Variants in SLC12A6 observed in about 807,000 individuals in gnomAD.
SLC12A6 encodes the protein solute carrier family 12 member 6.
Under a neutral mutation model 135.3 loss-of-function variants are expected in SLC12A6, and 66 were observed. The ratio of observed to expected loss-of-function variants is 0.49; its 90% CI spans 0.40 to 0.60. The LOEUF (loss-of-function observed/expected upper bound fraction) is 0.60, where lower values mean the gene tolerates loss of function less well. Ranked by LOEUF, SLC12A6 falls within the 20% of genes least tolerant of loss-of-function variation. The probability of loss-of-function intolerance (pLI) is 0.00; values close to 1 mark genes in which losing one functional copy is unlikely to be tolerated. For synonymous variants in SLC12A6, 513 were observed against 508.8 expected, an observed-to-expected ratio of 1.01 and a Z score of -0.11; for missense variants, 1,058 against 1,452.3, an observed-to-expected ratio of 0.73 and a Z score of 4.41.
At chr15:34,271,921 A>G (rs1893981976) in intron 3 of SLC12A6, among the ~76,000 whole-genome samples, 1 of 152,136 alleles carries the variant, frequency 6.6e-6, no homozygotes, top group Non-Finnish European at 1.5e-5. Context: ...AAATTATCCT[A>G]AACAAGGTTT....
At chr15:34,268,892 TG>T (rs1259149637) in intron 3 of SLC12A6, among the ~76,000 whole-genome samples, 2 of 151,968 alleles carry the variant, frequency 1.3e-5, no homozygotes, top group African/African-American at 4.8e-5. Flanking sequence ...AGTCTTGCTC[TG>T]TTGCCCAGTC....
At chr15:34,239,850 CT>C (rs1427718043) in intron 19 of SLC12A6, among the ~76,000 whole-genome samples, 8 of 152,102 alleles carry the variant, frequency 5.3e-5, no homozygotes, top group Non-Finnish European at 1.2e-4. Context: ...ATTTTCAATC[CT>C]GTGTACCTTT....
intron 2 of SLC12A6, among the ~76,000 whole-genome samples, chr15:34,296,001 A>C (rs1895855127): frequency 6.6e-6 from 1 of 151,964 alleles, no homozygotes; most frequent in Non-Finnish European, 1.5e-5. Context: ...ACTTCATCTC[A>C]AAAACAAACA....
At chr15:34,297,387 G>A (rs1165553526) in intron 2 of SLC12A6, among the ~76,000 whole-genome samples, 1 of 152,154 alleles carries the variant, frequency 6.6e-6, no homozygotes, top group South Asian at 2.1e-4. Context: ...AGATTACAAA[G>A]GTAGTCTCTA....
intron 3 of SLC12A6, among the ~76,000 whole-genome samples, chr15:34,273,999 T>C (rs1475404045): frequency 1.3e-5 from 2 of 152,182 alleles, no homozygotes; most frequent in Non-Finnish European, 2.9e-5. Context: ...GTTAGGAATT[T>C]ACCCTACAAA....
chr15:34,310,439 C>T (rs1888107178), intron 2 of SLC12A6, among the ~76,000 whole-genome samples: 2 of 67,892 alleles, frequency 2.9e-5, no homozygotes, highest in African/African-American at 7.3e-5. Context: ...GTGTGTGTGT[C>T]CCCGTGTCCA....
chr15:34,296,266 A>G (rs1351424416), intron 2 of SLC12A6, among the ~76,000 whole-genome samples: 1 of 152,232 alleles, frequency 6.6e-6, no homozygotes, highest in Non-Finnish European at 1.5e-5. Flanking sequence ...AGAAACTAAG[A>G]AAGAATGATG....
At chr15:34,335,126 G>T (rs535965065) in intron 2 of SLC12A6, among the ~76,000 whole-genome samples, 2 of 152,294 alleles carry the variant, frequency 1.3e-5, no homozygotes, top group East Asian at 3.9e-4. Context: ...AAGAGGAAAT[G>T]ATAAATTTGT....
intron 2 of SLC12A6, among the ~76,000 whole-genome samples, chr15:34,319,709 G>A (rs771963713): frequency 3.6e-4 from 54 of 151,904 alleles, no homozygotes; most frequent in Non-Finnish European, 6.8e-4. Context: ...TGACACAGGA[G>A]AATCCCTTGA....
chr15:34,260,120 A>G (rs1465506195), intron 4 of SLC12A6, among the ~76,000 whole-genome samples: 1 of 152,250 alleles, frequency 6.6e-6, no homozygotes, highest in African/African-American at 2.4e-5. Context: ...GAGGTGATAT[A>G]TATGCTAATT....
chr15:34,311,002 ATT>A (rs1954227548), intron 2 of SLC12A6, among the ~76,000 whole-genome samples: 1 of 152,148 alleles, frequency 6.6e-6, no homozygotes, highest in Non-Finnish European at 1.5e-5. Flanking sequence ...TCTCAATAAA[ATT>A]TAAACCTCAT....
chr15:34,266,609 T>G (rs1893541371), intron 3 of SLC12A6, among the ~76,000 whole-genome samples: 1 of 152,094 alleles, frequency 6.6e-6, no homozygotes, highest in Admixed American at 6.6e-5. Flanking sequence ...GAAGAGCTAA[T>G]TTTTGGATTT....
intron 2 of SLC12A6, among the ~76,000 whole-genome samples, chr15:34,295,668 T>G (rs1046064682): frequency 1.3e-5 from 2 of 152,160 alleles, no homozygotes; most frequent in African/African-American, 2.4e-5. Context: ...ATCAAAAAAT[T>G]TGATACATTT....
intron 2 of SLC12A6, among the ~76,000 whole-genome samples, chr15:34,296,920 TTG>T (rs1335467390): frequency 1.3e-5 from 2 of 152,236 alleles, no homozygotes; most frequent in Non-Finnish European, 2.9e-5. Flanking sequence ...ACTGTTTTAC[TTG>T]TGTTATTTGT....
At chr15:34,284,810 T>C (rs926703380) in intron 2 of SLC12A6, among the ~76,000 whole-genome samples, 12 of 152,022 alleles carry the variant, frequency 7.9e-5, no homozygotes, top group African/African-American at 2.9e-4. Flanking sequence ...GGGAGAGTGG[T>C]TTGTGTGCAC....
At chr15:34,291,136 C>T (rs914277684) in intron 2 of SLC12A6, among the ~76,000 whole-genome samples, 5 of 152,132 alleles carry the variant, frequency 3.3e-5, no homozygotes, top group Non-Finnish European at 5.9e-5. Context: ...TTCGTATCCA[C>T]GTTTAGTGCT....
chr15:34,282,245 G>T (rs1894740791), intron 2 of SLC12A6, among the ~76,000 whole-genome samples: 1 of 152,180 alleles, frequency 6.6e-6, no homozygotes, highest in Admixed American at 6.6e-5. Flanking sequence ...CTATTTAATA[G>T]ATAAGTAGAT....
chr15:34,271,796 G>A (rs560435725), intron 3 of SLC12A6, among the ~76,000 whole-genome samples: 9 of 152,130 alleles, frequency 5.9e-5, no homozygotes, highest in African/African-American at 2.2e-4. Context: ...AAAACATTTA[G>A]AAGGACTGGA....
chr15:34,310,475 A>AGTGT (rs58752500), intron 2 of SLC12A6, among the ~76,000 whole-genome samples: 792 of 41,616 alleles, frequency 0.019, 43 homozygotes, highest in Non-Finnish European at 0.023. Flanking sequence ...CCTGGGCTCA[A>AGTGT]GTGTGTGTGT....
Sources: allele counts gnomAD v4.1 joint callset (sites outside exome capture counted in the v4.1 genomes callset), GRCh38; gene constraint gnomAD v4.1.1; transcripts MANE v1.5; gene names NCBI Gene and HGNC (gene_info 2026-07-23, HGNC 2026-07-21).